NTF3: variants seen among roughly 807,000 people sequenced by gnomAD.
NTF3 encodes the protein neurotrophin 3.
In NTF3, 8 loss-of-function variants were observed where a neutral mutation model predicts 26.3. That is an observed-to-expected ratio of 0.30 (90% confidence interval 0.18 to 0.55). The LOEUF (loss-of-function observed/expected upper bound fraction) is 0.55, where lower values mean the gene tolerates loss of function less well. Ranked by LOEUF, NTF3 falls within the 20% of genes least tolerant of loss-of-function variation. The pLI, the probability that NTF3 is intolerant of heterozygous loss-of-function variation, is 0.93. For synonymous variants in NTF3, 154 were observed against 145.5 expected, an observed-to-expected ratio of 1.06 and a Z score of -0.42; for missense variants, 276 against 352.9, an observed-to-expected ratio of 0.78 and a Z score of 1.75.
chr12:5,443,278 A>AC (rs1940262652), intron 1 of NTF3, among the ~76,000 whole-genome samples: 1 of 152,072 alleles, frequency 6.6e-6, no homozygotes, highest in South Asian at 2.1e-4. Context: ...CCCATCCCCG[A>AC]CCCTGCATCA....
intron 1 of NTF3, among the ~76,000 whole-genome samples, chr12:5,481,829 C>T (rs1940807416): frequency 6.9e-6 from 1 of 145,412 alleles, no homozygotes; most frequent in South Asian, 2.3e-4. Context: ...CACACACATG[C>T]ATACTACACA....
chr12:5,484,362 T>G (rs1234413636), intron 1 of NTF3, among the ~76,000 whole-genome samples: 1 of 152,174 alleles, frequency 6.6e-6, no homozygotes, highest in Non-Finnish European at 1.5e-5. Context: ...CTTCTCTATT[T>G]GGTCTGGAGA....
intron 1 of NTF3, among the ~76,000 whole-genome samples, chr12:5,471,122 A>T (rs897318101): frequency 6.6e-6 from 1 of 152,124 alleles, no homozygotes; most frequent in Non-Finnish European, 1.5e-5. Flanking sequence ...GTTGAGAAAC[A>T]TGGGCTCACC....
At chr12:5,450,246 G>A (rs530700691) in intron 1 of NTF3, among the ~76,000 whole-genome samples, 1 of 152,306 alleles carries the variant, frequency 6.6e-6, no homozygotes, top group East Asian at 1.9e-4. Flanking sequence ...AGAGAAACAT[G>A]GCAGAGGAAA....
chr12:5,443,386 T>C (rs570748191), intron 1 of NTF3, among the ~76,000 whole-genome samples: 10 of 152,240 alleles, frequency 6.6e-5, no homozygotes, highest in East Asian at 5.8e-4. Context: ...GATACCTGGA[T>C]GCAGGGCCCT....
chr12:5,483,681 G>A (rs1299289953), intron 1 of NTF3, among the ~76,000 whole-genome samples: 1 of 152,204 alleles, frequency 6.6e-6, no homozygotes, highest in African/African-American at 2.4e-5. Flanking sequence ...GGGTTGAGTG[G>A]TATTTCTATT....
intron 1 of NTF3, among the ~76,000 whole-genome samples, chr12:5,436,245 C>T (rs1326542023): frequency 6.6e-6 from 1 of 152,144 alleles, no homozygotes. Context: ...CTTTATTTGA[C>T]TCATGACATT....
chr12:5,430,625 C>T (rs1246186398), upstream of NTF3, among the ~76,000 whole-genome samples: 1 of 151,380 alleles, frequency 6.6e-6, no homozygotes, highest in Non-Finnish European at 1.5e-5. Flanking sequence ...CCCCCAGCTA[C>T]TCTCTGCGGC....
At chr12:5,431,754 G>C (rs1371653233), upstream of NTF3, among the ~76,000 whole-genome samples, 1 of 152,096 alleles carries the variant, frequency 6.6e-6, no homozygotes, top group Non-Finnish European at 1.5e-5. Context: ...ACTAAGAAAG[G>C]CTGAAGACAC....
intron 1 of NTF3, among the ~76,000 whole-genome samples, chr12:5,457,979 T>C (rs11063688): frequency 0.5 from 76,244 of 151,718 alleles, 19,463 homozygotes; most frequent in South Asian, 0.62. Flanking sequence ...AAACCACCAT[T>C]GTCTCTTGCC....
rs760444001 is a variant in NTF3 at position 5,494,174 on chromosome 12, C to T, written c.19-20C>T. Reference sequence around the variant, plus strand: ...CTCAGCTGCCAGAGCCTGCTCTTAACACCTGTGTTTCCTTTTCAGATCTTA... The same window carrying T: ...CTCAGCTGCCAGAGCCTGCTCTTAATACCTGTGTTTCCTTTTCAGATCTTA... On this transcript the variant is annotated intron_variant, in intron 1 of 1. Coordinates refer to ENST00000423158, the MANE Select transcript of NTF3 (RefSeq NM_001102654.2). The surrounding 1 kb of genome is among the most constrained non-coding windows in gnomAD (Gnocchi z 8.3). 1 of 1,607,266 alleles carries T rather than the reference C, an allele frequency of 6.2e-7. No individual in the cohort carries two copies. Among genetic ancestry groups the T allele is most frequent in the South Asian group, 1.1e-5 (1 of 90,900 alleles).
chr12:5,483,661 T>C (rs1940833917), intron 1 of NTF3, among the ~76,000 whole-genome samples: 1 of 152,220 alleles, frequency 6.6e-6, no homozygotes, highest in Non-Finnish European at 1.5e-5. Context: ...TACCCAGTAA[T>C]GGGATTGCTG....
chr12:5,482,743 G>A (rs1035645875), intron 1 of NTF3, among the ~76,000 whole-genome samples: 8 of 150,840 alleles, frequency 5.3e-5, no homozygotes, highest in Middle Eastern at 3.2e-3. Context: ...CCCTCACTCC[G>A]TGTCTCTCTC....
At position 5,494,434 on chromosome 12, in the gene NTF3, C is replaced by A. The variant is rs200205067; in HGVS notation, c.259C>A (p.Arg87=). The part of the protein sequence containing the change: ...PKAEAPREPE[R]GGPAKSAFQP... ...AGCTGAGGCTCCCCGAGAGCCGGAG[C>A]GGGGAGGGCCCGCCAAGTCAGCATT... is the stretch of plus-strand genomic sequence containing the variant. The change falls in exon 2 of 2, where the codon CGG becomes AGG. Residue 87 remains arginine, a synonymous_variant. Transcript: ENST00000423158. This position sits in a 1 kb window ranked among gnomAD's most constrained non-coding sequence, Gnocchi z 8.3. The A allele has an allele frequency of 3.1e-6, 5 of 1,605,090 alleles. No individual in the cohort carries two copies. The highest frequency in any genetic ancestry group is 4.2e-6 in the Non-Finnish European group (5 of 1,178,266).
intron 1 of NTF3, among the ~76,000 whole-genome samples, chr12:5,464,720 A>G (rs1940567440): frequency 6.6e-6 from 1 of 152,184 alleles, no homozygotes; most frequent in African/African-American, 2.4e-5. Flanking sequence ...CAGGGTGACC[A>G]TGTTCTCTCT....
chr12:5,432,690 G>A (rs750596892), intron 1 of NTF3, among the ~76,000 whole-genome samples: 14 of 152,082 alleles, frequency 9.2e-5, no homozygotes, highest in South Asian at 2.1e-4. Context: ...AAGTGATCAG[G>A]TTTAAGGGAC....
intron 1 of NTF3, among the ~76,000 whole-genome samples, chr12:5,439,395 C>T (rs1174027296): frequency 6.6e-6 from 1 of 152,218 alleles, no homozygotes; most frequent in Non-Finnish European, 1.5e-5. Flanking sequence ...CCATCACCTG[C>T]TAGTCAGATT....
upstream of NTF3, among the ~76,000 whole-genome samples, chr12:5,430,490 G>A (rs1373945655): frequency 1.3e-5 from 2 of 151,878 alleles, no homozygotes; most frequent in Non-Finnish European, 2.9e-5. Flanking sequence ...CCTGGGCCTC[G>A]GTGGGCGCTT....
intron 1 of NTF3, among the ~76,000 whole-genome samples, chr12:5,435,455 G>T (rs1591589349): frequency 6.6e-6 from 1 of 152,200 alleles, no homozygotes; most frequent in East Asian, 1.9e-4. Flanking sequence ...TATGGATCTT[G>T]GGGGCCAAAG....
Sources: gnomAD v4.1 joint callset for allele counts (sites outside exome capture counted in the v4.1 genomes callset) on GRCh38, gnomAD v4.1.1 for gene constraint, Gnocchi (gnomAD v3.1) non-coding constraint, MANE v1.5 for transcripts, NCBI Gene and HGNC (gene_info 2026-07-23, HGNC 2026-07-21) for gene names.